The following LAMP1 variants were observed in gnomAD, a reference collection of about 807,000 sequenced individuals.
LAMP1 encodes lysosome-associated membrane glycoprotein 1.
Under a neutral mutation model 37.5 loss-of-function variants are expected in LAMP1, and 7 were observed. The observed-to-expected ratio is 0.19, with a 90% confidence interval of 0.11 to 0.35. The LOEUF (loss-of-function observed/expected upper bound fraction) is 0.35. Among genes scored for constraint, LAMP1 ranks in the 10% least tolerant of loss-of-function variants. The pLI, the probability that LAMP1 is intolerant of heterozygous loss-of-function variation, is 1.00. For synonymous variants in LAMP1, 236 were observed against 229.1 expected, an observed-to-expected ratio of 1.03 and a Z score of -0.27; for missense variants, 537 against 552.8, an observed-to-expected ratio of 0.97 and a Z score of 0.29.
chr13:113,312,656 G>T (rs2042636592), intron 4 of LAMP1, among the ~76,000 whole-genome samples: 1 of 152,228 alleles, frequency 6.6e-6, no homozygotes, highest in African/African-American at 2.4e-5. Flanking sequence ...CAGGGCCCCG[G>T]GGGCCGTGGT....
At chr13:113,311,176 G>C (rs769910571) in intron 4 of LAMP1, among the ~76,000 whole-genome samples, 1 of 152,138 alleles carries the variant, frequency 6.6e-6, no homozygotes, top group Non-Finnish European at 1.5e-5. Context: ...CGGGTAGAGA[G>C]AGAGGTGATC....
At chr13:113,318,684 GC>G (rs1056958688) in intron 4 of LAMP1, among the ~76,000 whole-genome samples, 1 of 151,896 alleles carries the variant, frequency 6.6e-6, no homozygotes, top group Non-Finnish European at 1.5e-5. Context: ...GGTGCCATGT[GC>G]CCCCCCACCC....
chr13:113,301,396 G>A (rs1317718016), intron 1 of LAMP1, among the ~76,000 whole-genome samples: 3 of 151,844 alleles, frequency 2.0e-5, no homozygotes, highest in Non-Finnish European at 2.9e-5. Flanking sequence ...CGAGGTGGGT[G>A]GATTGCCTGA....
At chr13:113,303,120 C>T (rs2042582260) in intron 1 of LAMP1, among the ~76,000 whole-genome samples, 1 of 152,218 alleles carries the variant, frequency 6.6e-6, no homozygotes. Flanking sequence ...AAATGCTCAG[C>T]TGCTCCGACA....
At chr13:113,306,380 A>C in intron 1 of LAMP1, 105 bp from the exon 2 acceptor site, 1 of 1,231,532 alleles carries the variant, frequency 8.1e-7, no homozygotes, top group Non-Finnish European at 1.1e-6. Context: ...AAACAGTGGA[A>C]TCTTGTAATA....
chr13:113,317,858 TA>T (rs869200118), intron 4 of LAMP1, among the ~76,000 whole-genome samples: 11 of 152,282 alleles, frequency 7.2e-5, no homozygotes, highest in African/African-American at 2.6e-4. Context: ...GCTCATTTTT[TA>T]AAAAAACTTT....
At chr13:113,314,909 T>C (rs1343976860) in intron 4 of LAMP1, among the ~76,000 whole-genome samples, 52 of 94,842 alleles carry the variant, frequency 5.5e-4, no homozygotes, top group South Asian at 9.0e-4. Context: ...GGAGTCAGTG[T>C]GGAGATGCCC....
At position 113,298,500 on chromosome 13, in the gene LAMP1, A is replaced by G. The variant is rs2042554422; in HGVS notation, c.61+1005A>G. Among the ~76,000 whole-genome samples the G allele has an allele frequency of 2.0e-5, 3 of 148,754 alleles. No homozygotes were observed. The Admixed American group carries it at 2.0e-4, about 10-fold the overall frequency. The stretch of plus-strand genomic sequence containing the variant: ...GAATCAAGCTGGGGGAGTGTGTGTG[A>G]GTTAAGTAGATATAGAAATACACTC... On this transcript the variant is annotated intron_variant, in intron 1 of 8. Transcript: ENST00000332556.
Position 113,319,667 on chromosome 13 carries a change from G to T in LAMP1, c.750+11G>T, listed in dbSNP as rs201866480. ...AGGAAGGACAACACGGTAGGGCTGG[G>T]GCCTCACCTGGGAGAGGGGGACGGC... On this transcript the variant is annotated intron_variant, in intron 5 of 8. Coordinates refer to ENST00000332556, the MANE Select transcript of LAMP1 (RefSeq NM_005561.4). 1 of 1,604,970 alleles carries T rather than the reference G, an allele frequency of 6.2e-7. No individual in the cohort carries two copies. The highest frequency in any genetic ancestry group is 8.5e-7 in the Non-Finnish European group (1 of 1,176,420).
At position 113,310,966 on chromosome 13, in the gene LAMP1, C is replaced by T. The variant is rs1336809553; in HGVS notation, c.562+99C>T. On this transcript the variant is annotated intron_variant, in intron 4 of 8. Transcript: ENST00000332556. ...CTGCTCTGTGTCCTGGTGCTGGGCTCTGCCTGGAACGCGTGTGCACACAGC... is the reference window on the plus strand; with the variant it reads ...CTGCTCTGTGTCCTGGTGCTGGGCTTTGCCTGGAACGCGTGTGCACACAGC... The T allele has an allele frequency of 6.0e-6, 6 of 1,003,768 alleles. 1 individual carries two copies. The highest frequency in any genetic ancestry group is 8.9e-6 in the Non-Finnish European group (6 of 672,862). 62.2% of individuals were successfully genotyped at this position (1,003,768 alleles called of 1,614,324 possible). A position where few individuals can be genotyped will look rare whatever the true frequency, so the allele number is the denominator to read the frequency against.
In LAMP1 at chr13:113,320,951, C is replaced by T. The variant is rs146887475; in HGVS notation, c.877-453C>T. Reference sequence around the variant, plus strand: ...GATAGCTCCTGCAGTCCCCGTTTTCCAGAGACTGACTCTCAAGAGGTCTGG... The same window carrying T: ...GATAGCTCCTGCAGTCCCCGTTTTCTAGAGACTGACTCTCAAGAGGTCTGG... On this transcript the variant is annotated intron_variant, in intron 6 of 8. Coordinates refer to ENST00000332556, the MANE Select transcript of LAMP1 (RefSeq NM_005561.4). The surrounding 1 kb of genome is among the most constrained non-coding windows in gnomAD (Gnocchi z 4.4). 241 of 217,184 alleles carry T rather than the reference C, an allele frequency of 1.1e-3. No homozygotes were observed. Among genetic ancestry groups the T allele is most frequent in the Middle Eastern group, 2.0e-3 (1 of 504 alleles). 13.5% of individuals were successfully genotyped at this position (217,184 alleles called of 1,614,324 possible). A position where few individuals can be genotyped will look rare whatever the true frequency, so the allele number is the denominator to read the frequency against.
chr13:113,317,132 T>C (rs1036297966), intron 4 of LAMP1, among the ~76,000 whole-genome samples: 1 of 152,164 alleles, frequency 6.6e-6, no homozygotes, highest in Non-Finnish European at 1.5e-5. Flanking sequence ...GGAGGGGCCT[T>C]CAGAGCACAT....
Position 113,320,965 on chromosome 13 carries a change from C to G in LAMP1, c.877-439C>G. 1 of 225,368 alleles carries G rather than the reference C, an allele frequency of 4.4e-6. No individual in the cohort carries two copies. Among genetic ancestry groups the G allele is most frequent in the African/African-American group, 2.3e-5 (1 of 43,688 alleles). 14.0% of individuals were successfully genotyped at this position (225,368 alleles called of 1,614,324 possible). A position where few individuals can be genotyped will look rare whatever the true frequency, so the allele number is the denominator to read the frequency against. ...TCCCCGTTTTCCAGAGACTGACTCT[C>G]AAGAGGTCTGGAAGGACCAGCCTGG... On this transcript the variant is annotated intron_variant, in intron 6 of 8. Transcript: ENST00000332556. The surrounding 1 kb of genome is among the most constrained non-coding windows in gnomAD (Gnocchi z 4.4).
rs75416481 is a variant in LAMP1 at position 113,318,395 on chromosome 13, G to A, written c.563-1074G>A. Among the ~76,000 whole-genome samples the A allele has an allele frequency of 7.8e-3, 1,189 of 152,338 alleles. 11 individuals are homozygous for A. The highest frequency in any genetic ancestry group is 0.027 in the African/African-American group (1,134 of 41,560). On this transcript the variant is annotated intron_variant, in intron 4 of 8. Coordinates refer to ENST00000332556, the MANE Select transcript of LAMP1 (RefSeq NM_005561.4). ...CACCCTGGATATGTGGGGCTCACGCGTGGTGACTCAGCCTAGCAGAGATGT... is the reference window on the plus strand; with the variant it reads ...CACCCTGGATATGTGGGGCTCACGCATGGTGACTCAGCCTAGCAGAGATGT...
At chr13:113,310,988 C>A in intron 4 of LAMP1, 121 bp downstream of exon 4, 1 of 747,676 alleles carries the variant, frequency 1.3e-6, no homozygotes, top group Non-Finnish European at 2.2e-6. Flanking sequence ...CGTGTGCACA[C>A]AGCCGGCGAC....
rs550059971 is a variant in LAMP1 at position 113,307,680 on chromosome 13, A to G, written c.183+1074A>G. ...GCAAACACTGTACTAGTTTGATTAA[A>G]ATGTTCCTTAGTGGTTTTGTTGAAA... is the stretch of plus-strand genomic sequence containing the variant. On this transcript the variant is annotated intron_variant, in intron 2 of 8. Coordinates refer to ENST00000332556, the MANE Select transcript of LAMP1 (RefSeq NM_005561.4). Among the ~76,000 whole-genome samples, 3 of 152,174 alleles carry G rather than the reference A, an allele frequency of 2.0e-5. No individual in the cohort carries two copies. The East Asian group carries it at 5.8e-4, about 29-fold the overall frequency.
At chr13:113,301,197 A>AATATAC (rs1224396699) in intron 1 of LAMP1, among the ~76,000 whole-genome samples, 1 of 152,258 alleles carries the variant, frequency 6.6e-6, no homozygotes, top group East Asian at 1.9e-4. Context: ...GCTTTTTAGA[A>AATATAC]ATATACATAC....
intron 1 of LAMP1, among the ~76,000 whole-genome samples, chr13:113,300,492 A>G (rs1286617540): frequency 6.7e-6 from 1 of 148,854 alleles, no homozygotes; most frequent in Non-Finnish European, 1.5e-5. Context: ...ATGTCAAAAA[A>G]AAAAAAAAAA....
At position 113,322,736 on chromosome 13, in the gene LAMP1, T is replaced by TGGGGGTGCCGCTCC; in HGVS notation, c.*315_*316insGGGGGTGCCGCTCC. 1.4e-5 allele frequency: 1 copy of TGGGGGTGCCGCTCC among 73,386 alleles called. No individual in the cohort carries two copies. Among genetic ancestry groups the TGGGGGTGCCGCTCC allele is most frequent in the Admixed American group, 1.7e-4 (1 of 5,830 alleles). 4.5% of individuals were successfully genotyped at this position (73,386 alleles called of 1,614,324 possible). On this transcript the variant is annotated 3_prime_UTR_variant, in exon 9 of 9. Coordinates refer to ENST00000332556, the MANE Select transcript of LAMP1 (RefSeq NM_005561.4). Reference sequence around the variant, plus strand: ...TCTCTGAGGGGTGGGGGTGCCGCTGTCTCTGAGGGGTGGGGGTGCCGCTCT... The same window carrying TGGGGGTGCCGCTCC: ...TCTCTGAGGGGTGGGGGTGCCGCTGTGGGGGTGCCGCTCCCTCTGAGGGGTGGGGGTGCCGCTCT...
Sources: gnomAD v4.1 joint callset for allele counts (sites outside exome capture counted in the v4.1 genomes callset) on GRCh38, gnomAD v4.1.1 for gene constraint, Gnocchi (gnomAD v3.1) non-coding constraint, MANE v1.5 for transcripts, NCBI Gene and HGNC (gene_info 2026-07-23, HGNC 2026-07-21) for gene names.